Variants in HOOK2 observed in about 807,000 individuals in gnomAD.
The protein encoded by HOOK2 is hook microtubule tethering protein 2, also known as protein Hook homolog 2.
Under a neutral mutation model 111.9 loss-of-function variants are expected in HOOK2, and 108 were observed. That is an observed-to-expected ratio of 0.96 (90% confidence interval 0.83 to 1.13). HOOK2 has a LOEUF of 1.13. Ranked by LOEUF, HOOK2 falls within the 50% of genes most tolerant of loss-of-function variation. HOOK2 has a pLI of 0.00. For missense variants in HOOK2, 978 were observed against 951.3 expected (o/e 1.03, Z -0.37); for synonymous variants, 405 against 394.3 (o/e 1.03, Z -0.32).
intron 1 of HOOK2, chr19:12,775,112 C>T: frequency 1.1e-6 from 1 of 900,086 alleles, no homozygotes; most frequent in Non-Finnish European, 1.3e-6. Flanking sequence ...GCGTCCAGGC[C>T]AGGGTGGTAT....
chr19:12,780,847 G>A (rs940863796), upstream of HOOK2, among the ~76,000 whole-genome samples: 1 of 138,792 alleles, frequency 7.2e-6, no homozygotes, highest in South Asian at 2.3e-4. Context: ...GCGTAGTGGC[G>A]GGCGCCTGTA....
intron 8 of HOOK2, 32 bp from the exon 9 acceptor site, chr19:12,771,351 T>C: frequency 6.2e-7 from 1 of 1,607,840 alleles, no homozygotes; most frequent in Non-Finnish European, 8.5e-7. Context: ...GAGCTTGGGC[T>C]TGGAGAGGGG....
intron 3 of HOOK2, among the ~76,000 whole-genome samples, chr19:12,788,537 C>T (rs1183526395): frequency 6.6e-6 from 1 of 152,028 alleles, no homozygotes; most frequent in African/African-American, 2.4e-5. Context: ...CCCCATACAC[C>T]CACTGTTCCT....
intron 14 of HOOK2, chr19:12,766,587 G>A (rs1290123592): frequency 3.4e-6 from 1 of 294,730 alleles, no homozygotes; most frequent in African/African-American, 2.2e-5. Context: ...GTTAGTTTTG[G>A]CTTTTTGTTT....
In HOOK2 at chr19:12,769,851, GC is replaced by G. The variant is rs1317154230; in HGVS notation, c.1104+29del. 4 of 1,386,874 alleles carry G rather than the reference GC, an allele frequency of 2.9e-6. No homozygotes were observed. The African/African-American group carries it at 4.6e-5, about 16-fold the overall frequency. The allele number at this position is 1,386,874 out of a possible 1,614,324, so 85.9% of individuals were successfully genotyped here. On this transcript the variant is annotated intron_variant, in intron 11 of 22. Coordinates refer to ENST00000397668, the MANE Select transcript of HOOK2 (RefSeq NM_013312.3). Reference sequence around the variant, plus strand: ...TGAGAGACTTGCTGCCAGGGGCGGGGCCCCGGCCCTAACCCCGCCCCCGCCG... The same window carrying G: ...TGAGAGACTTGCTGCCAGGGGCGGGGCCCGGCCCTAACCCCGCCCCCGCCG...
At position 12,791,828 on chromosome 19, in the gene HOOK2, A is replaced by G; in HGVS notation, n.42-17603T>C. 1.2e-6 allele frequency: 2 copies of G among 1,613,506 alleles called. No individual in the cohort carries two copies. The highest frequency in any genetic ancestry group is 1.7e-6 in the Non-Finnish European group (2 of 1,179,830). ...ACGACGACTCATACACAGCTACGGGATACGGCCGGGCCCCTGGTGGCCTCT... is the reference window on the plus strand; with the variant it reads ...ACGACGACTCATACACAGCTACGGGGTACGGCCGGGCCCCTGGTGGCCTCT... On this transcript the variant is annotated intron_variant and non_coding_transcript_variant, in intron 3 of 3. Coordinates refer to the HOOK2 transcript ENST00000589765. This position sits in a 1 kb window ranked among gnomAD's most constrained non-coding sequence, Gnocchi z 7.0.
At position 12,764,840 on chromosome 19, in the gene HOOK2, G is replaced by A. The variant is rs747988006; in HGVS notation, c.1801C>T (p.Arg601Cys). Residue 601 changes from arginine (R) to cysteine (C), a missense_variant, in exon 20 of 23, where the codon CGC becomes TGC. Physicochemically the swap from Arg to Cys is radical, Grantham distance 180. Transcript: ENST00000397668. ...ADLRAMEERY[R>C]RYVDKARMVM... ...ATGCGGGCCTTGTCCACGTAGCGGC[G>A]GTATCGCTCCTCCATGGCCCGCAAG... is the stretch of plus-strand genomic sequence containing the variant. 5.3e-5 allele frequency: 86 copies of A among 1,613,938 alleles called. No individual in the cohort carries two copies. The East Asian group carries it at 1.2e-3, about 23-fold the overall frequency.
Position 12,773,015 on chromosome 19 carries a change from G to T in HOOK2, c.234C>A (p.Ser78Arg), listed in dbSNP as rs745838753. 1.9e-6 allele frequency: 3 copies of T among 1,613,940 alleles called. No individual in the cohort carries two copies. In the African/African-American group the frequency reaches 4.0e-5, roughly 22 times the overall value. Residue 78 changes from serine (S) to arginine (R), a missense_variant, in exon 4 of 23, where the codon AGC becomes AGA. This residue lies in a region of HOOK2 where 301 missense variants were observed against 286.1 expected (regional missense o/e 1.05). Coordinates refer to ENST00000397668, the MANE Select transcript of HOOK2 (RefSeq NM_013312.3). ...KVSNLKMVLR[S>R]LVEYSQDVLA... ...TCACATCCTGGGAGTACTCTACTAG[G>T]CTCCGTAAGACCATCTTCAGATTGC...
At position 12,769,885 on chromosome 19, in the gene HOOK2, C is replaced by T. The variant is rs756141152; in HGVS notation, c.1100G>A (p.Arg367Gln). The change falls in exon 11 of 23, where the codon CGG (arginine) becomes CAG (glutamine). Residue 367 changes from arginine (R) to glutamine (Q), a missense_variant. Arg to Gln is a conservative substitution (Grantham distance 43). Transcript: ENST00000397668. The part of the protein sequence containing the change: ...SLRAQLEAQR[R>Q]QVQELQGQRQ... ...CTAACCCCGCCCCCGCCGCACCTGC[C>T]GCCGCTGCGCCTCCAGCTGGGCGCG... 64 of 1,454,240 alleles carry T rather than the reference C, an allele frequency of 4.4e-5. No individual in the cohort carries two copies. The highest frequency in any genetic ancestry group is 5.6e-5 in the Non-Finnish European group (62 of 1,113,276). 90.1% of individuals were successfully genotyped at this position (1,454,240 alleles called of 1,614,324 possible).
At chr19:12,774,763 G>A (rs769220590) in intron 2 of HOOK2, 22 bp from the exon 3 acceptor site, 40 of 1,613,192 alleles carry the variant, frequency 2.5e-5, no homozygotes, top group South Asian at 9.9e-5. Flanking sequence ...AAGGTGGGAT[G>A]AGCAGACTGG....
chr19:12,788,781 T>C (rs1304616581), intron 3 of HOOK2, among the ~76,000 whole-genome samples: 1 of 152,192 alleles, frequency 6.6e-6, no homozygotes, highest in African/African-American at 2.4e-5. Context: ...GCTGCAGTTA[T>C]TAGCCTGGGC....
intron 18 of HOOK2, chr19:12,765,294 C>A: frequency 4.9e-6 from 3 of 608,812 alleles, no homozygotes; most frequent in Admixed American, 2.9e-5. Context: ...AGCAGGTATG[C>A]CCCGGAACAG....
At chr19:12,774,219 T>G (rs776086558) in intron 3 of HOOK2, 25 of 206,936 alleles carry the variant, frequency 1.2e-4, no homozygotes, top group Non-Finnish European at 2.2e-4. Context: ...GATTCTCATG[T>G]CTCAGCCTCC....
At position 12,791,590 on chromosome 19, in the gene HOOK2, C is replaced by T; in HGVS notation, n.42-17365G>A. On this transcript the variant is annotated intron_variant and non_coding_transcript_variant, in intron 3 of 3. Transcript: ENST00000589765. The surrounding 1 kb of genome is among the most constrained non-coding windows in gnomAD (Gnocchi z 7.0). ...CGCGCCAGAGAGGGCGACGGGGGCT[C>T]GGGAAGCCTGACAGGGCTTTTGCGC... 1 of 519,982 alleles carries T rather than the reference C, an allele frequency of 1.9e-6. No homozygotes were observed. The allele number at this position is 519,982 out of a possible 1,614,324, so 32.2% of individuals were successfully genotyped here.
chr19:12,776,023 G>A (rs1309572634), upstream of HOOK2, among the ~76,000 whole-genome samples: 2 of 149,654 alleles, frequency 1.3e-5, no homozygotes, highest in Non-Finnish European at 3.0e-5. Context: ...GACTACAGGC[G>A]CCCGCCACCT....
Position 12,786,717 on chromosome 19 carries a change from C to T in HOOK2, n.42-12492G>A, listed in dbSNP as rs1330657491. 6.6e-6 allele frequency among the ~76,000 whole-genome samples: 1 copy of T among 152,206 alleles called. No homozygotes were observed. Among genetic ancestry groups the T allele is most frequent in the East Asian group, 1.9e-4 (1 of 5,166 alleles). On this transcript the variant is annotated intron_variant and non_coding_transcript_variant, in intron 3 of 3. Coordinates refer to the HOOK2 transcript ENST00000589765. The surrounding 1 kb of genome is among the most constrained non-coding windows in gnomAD (Gnocchi z 4.3). ...AGAGGCCTGGAACCGGCTGTACCAG[C>T]TTGGCTGGGCCCCCGCCCTCCCTGT... is the stretch of plus-strand genomic sequence containing the variant.
At chr19:12,777,154 C>A (rs530499739), upstream of HOOK2, among the ~76,000 whole-genome samples, 133 of 134,918 alleles carry the variant, frequency 9.9e-4, no homozygotes, top group African/African-American at 3.3e-3. Context: ...GAGACTGTCT[C>A]AAAAAAAATA....
chr19:12,764,821 G>A lies in HOOK2; in HGVS notation c.1820C>T (p.Ala607Val). Reference sequence around the variant, plus strand: ...AACACCCAGCGTCCTCACCATGCGGGCCTTGTCCACGTAGCGGCGGTATCG... The same window carrying A: ...AACACCCAGCGTCCTCACCATGCGGACCTTGTCCACGTAGCGGCGGTATCG... ...EERYRRYVDK[A>V]RMVMQTMEPK... The change falls in exon 20 of 23, where the codon GCC (alanine) becomes GTC (valine). Residue 607 changes from alanine (A) to valine (V), a missense_variant. Ala to Val is a moderately conservative substitution (Grantham distance 64, BLOSUM62 0). Around this residue, in one of 5 missense-constraint regions of HOOK2, gnomAD observed 277 missense variants for 265.8 expected, o/e 1.04. Coordinates refer to ENST00000397668, the MANE Select transcript of HOOK2 (RefSeq NM_013312.3). The A allele has an allele frequency of 6.2e-7, 1 of 1,613,504 alleles. No homozygotes were observed. Among genetic ancestry groups the A allele is most frequent in the Non-Finnish European group, 8.5e-7 (1 of 1,179,868 alleles).
At position 12,766,150 on chromosome 19, in the gene HOOK2, G is replaced by C. The variant is rs897804; in HGVS notation, c.1464C>G (p.His488Gln). ...DRERQEELQR[H>Q]LEDANRARHG... ...GGCGCGCGCGGTTGGCATCCTCCAG[G>C]TGGCGCTGCAGCTCCTCCTGCCGCT... The change falls in exon 15 of 23, where the codon CAC becomes CAG. Residue 488 changes from histidine (H) to glutamine (Q), a missense_variant. Transcript: ENST00000397668. 580,517 of 1,599,928 alleles carry C rather than the reference G, an allele frequency of 0.36. 112,472 individuals carry two copies. The highest frequency in any genetic ancestry group is 0.41 in the Middle Eastern group (2,349 of 5,740).
Sources: gnomAD v4.1 joint callset for allele counts (sites outside exome capture counted in the v4.1 genomes callset) on GRCh38, gnomAD v4.1.1 for gene constraint, gnomAD v4.1.1 regional missense constraint, Gnocchi (gnomAD v3.1) non-coding constraint, MANE v1.5 for transcripts, NCBI Gene and HGNC (gene_info 2026-07-23, HGNC 2026-07-21) for gene names.